The following ACBD6 variants were observed in gnomAD, a reference collection of about 807,000 sequenced individuals.
The protein encoded by ACBD6 is acyl-CoA-binding domain-containing protein 6.
A neutral mutation model predicts 37.2 loss-of-function variants in ACBD6; 28 were observed. The ratio of observed to expected loss-of-function variants is 0.75; its 90% CI spans 0.56 to 1.03. The LOEUF is 1.03. ACBD6 is among the 50% of genes least tolerant of loss of function. The pLI is 0.00. For synonymous variants in ACBD6, 113 were observed against 126.8 expected (o/e 0.89, Z 0.73); for missense variants, 340 against 337.4 (o/e 1.01, Z -0.06).
intron 6 of ACBD6, among the ~76,000 whole-genome samples, chr1:180,349,802 T>C (rs1652336319): frequency 6.6e-6 from 1 of 152,134 alleles, no homozygotes; most frequent in South Asian, 2.1e-4. Flanking sequence ...GAGTTTTTAT[T>C]AATGTTTCAA....
chr1:180,415,092 AC>A (rs745390172), intron 4 of ACBD6, among the ~76,000 whole-genome samples: 48 of 150,570 alleles, frequency 3.2e-4, no homozygotes, highest in Admixed American at 6.0e-4. Context: ...AATAAAAAAA[AC>A]AAAAACAAAA....
At chr1:180,354,786 T>C (rs1652559726) in intron 6 of ACBD6, among the ~76,000 whole-genome samples, 1 of 152,234 alleles carries the variant, frequency 6.6e-6, no homozygotes, top group Non-Finnish European at 1.5e-5. Context: ...CCAGCCCTTC[T>C]GTAATTTAAC....
At chr1:180,467,198 G>T (rs911447988) in intron 3 of ACBD6, among the ~76,000 whole-genome samples, 1 of 151,868 alleles carries the variant, frequency 6.6e-6, no homozygotes, top group African/African-American at 2.4e-5. Context: ...TCCCATCTCA[G>T]CCTTCTGAGT....
At chr1:180,325,878 T>A (rs540454512) in intron 6 of ACBD6, among the ~76,000 whole-genome samples, 1 of 152,190 alleles carries the variant, frequency 6.6e-6, no homozygotes, top group Non-Finnish European at 1.5e-5. Context: ...CCCAAACAAA[T>A]GGAGTCTCTC....
intron 4 of ACBD6, among the ~76,000 whole-genome samples, chr1:180,420,041 T>G (rs1001221389): frequency 2.0e-5 from 3 of 152,210 alleles, no homozygotes; most frequent in Admixed American, 2.0e-4. Context: ...TCTTAAATAA[T>G]CAGAACGCTT....
chr1:180,307,126 T>C lies in ACBD6; in HGVS notation c.694+7566A>G, dbSNP rs541340029. On this transcript the variant is annotated intron_variant, in intron 7 of 7. Coordinates refer to ENST00000367595, the MANE Select transcript of ACBD6 (RefSeq NM_032360.4). ...ACCTAAGTGTCCATCAACAGATGAA[T>C]GGATAAAGAAAATGTGGTATATATG... 2.6e-5 allele frequency among the ~76,000 whole-genome samples: 4 copies of C among 152,276 alleles called. No homozygotes were observed. In the South Asian group the frequency reaches 8.3e-4, roughly 32 times the overall value.
At chr1:180,278,269 T>TTTTG (rs1443187740) in intron 9 of ACBD6, 6 of 151,842 alleles carry the variant, frequency 4.0e-5, no homozygotes, top group African/African-American at 1.5e-4. Flanking sequence ...CGGAAATGAG[T>TTTTG]TTTGTTTTAT....
intron 5 of ACBD6, among the ~76,000 whole-genome samples, chr1:180,410,511 C>G (rs557696323): frequency 6.6e-6 from 1 of 152,264 alleles, no homozygotes; most frequent in East Asian, 1.9e-4. Flanking sequence ...ATTTACCATT[C>G]TGAAAATCCT....
At chr1:180,288,771 G>A (rs984324606) in intron 7 of ACBD6, among the ~76,000 whole-genome samples, 77 of 152,144 alleles carry the variant, frequency 5.1e-4, no homozygotes, top group African/African-American at 1.8e-3. Flanking sequence ...TCTAAATTGT[G>A]AGGCTTTTGG....
chr1:180,456,065 A>G (rs1232617032), intron 3 of ACBD6, among the ~76,000 whole-genome samples: 1 of 152,078 alleles, frequency 6.6e-6, no homozygotes, highest in Non-Finnish European at 1.5e-5. Flanking sequence ...ACAAAAAATT[A>G]ACTGGACGTG....
At chr1:180,333,194 T>C (rs1204716701) in intron 6 of ACBD6, among the ~76,000 whole-genome samples, 1 of 152,104 alleles carries the variant, frequency 6.6e-6, no homozygotes, top group Non-Finnish European at 1.5e-5. Context: ...ACATAAATTA[T>C]ACGTAACATA....
chr1:180,353,720 G>T (rs1652506919), intron 6 of ACBD6, among the ~76,000 whole-genome samples: 1 of 60,892 alleles, frequency 1.6e-5, no homozygotes, highest in Non-Finnish European at 3.1e-5. Flanking sequence ...GCAGGGCAGG[G>T]TAAAGATACA....
chr1:180,271,512 G>C, exon 14 of ACBD6: 1 of 1,614,144 alleles, frequency 6.2e-7, no homozygotes, highest in Non-Finnish European at 8.5e-7. Flanking sequence ...TCAGAGACAG[G>C]CCTGGACATG....
intron 3 of ACBD6, chr1:180,435,734 A>G (rs1197876061): frequency 5.9e-6 from 5 of 844,384 alleles, no homozygotes; most frequent in Non-Finnish European, 8.3e-6. Flanking sequence ...AGCAGGAAAC[A>G]GTAACACGCA....
At chr1:180,383,372 A>C (rs1015542610) in intron 6 of ACBD6, among the ~76,000 whole-genome samples, 1 of 152,218 alleles carries the variant, frequency 6.6e-6, no homozygotes, top group African/African-American at 2.4e-5. Flanking sequence ...ATAAAAAATC[A>C]GTAGGGTTTC....
chr1:180,332,608 C>T (rs1159650292), intron 6 of ACBD6, among the ~76,000 whole-genome samples: 1 of 151,274 alleles, frequency 6.6e-6, no homozygotes, highest in Non-Finnish European at 1.5e-5. Flanking sequence ...ACAGTGCCTC[C>T]CATCACCCCT....
chr1:180,461,276 C>T (rs1302071628), intron 3 of ACBD6, among the ~76,000 whole-genome samples: 2 of 152,140 alleles, frequency 1.3e-5, no homozygotes, highest in Non-Finnish European at 2.9e-5. Flanking sequence ...CTATGACTGA[C>T]TGGTGTACCC....
intron 6 of ACBD6, among the ~76,000 whole-genome samples, chr1:180,334,702 C>G: frequency 6.6e-6 from 1 of 152,084 alleles, no homozygotes; most frequent in East Asian, 1.9e-4. Context: ...TTCAGACGAT[C>G]AAACTACTTT....
At chr1:180,474,668 T>C (rs776908291) in intron 3 of ACBD6, among the ~76,000 whole-genome samples, 8 of 152,222 alleles carry the variant, frequency 5.3e-5, no homozygotes, top group Non-Finnish European at 8.8e-5. Context: ...AATAGAATCT[T>C]TCTGGCTTTT....
Sources: gnomAD v4.1 joint callset for allele counts (sites outside exome capture counted in the v4.1 genomes callset) on GRCh38, gnomAD v4.1.1 for gene constraint, MANE v1.5 for transcripts, NCBI Gene and HGNC (gene_info 2026-07-23, HGNC 2026-07-21) for gene names.